Variants in IL1RAPL1 observed in about 807,000 individuals in gnomAD.
IL1RAPL1 encodes interleukin-1 receptor accessory protein-like 1.
A neutral mutation model predicts 48.4 loss-of-function variants in IL1RAPL1; 3 were observed. The ratio of observed to expected loss-of-function variants is 0.06; its 90% CI spans 0.03 to 0.16. The LOEUF (loss-of-function observed/expected upper bound fraction) is 0.16, where lower values mean the gene tolerates loss of function less well. Ranked by LOEUF, IL1RAPL1 falls within the 10% of genes least tolerant of loss-of-function variation. The pLI is 1.00. For synonymous variants in IL1RAPL1, 185 were observed against 187.7 expected (o/e 0.99, Z 0.12); for missense variants, 349 against 530.6 (o/e 0.66, Z 3.36).
intron 1 of IL1RAPL1, among the ~76,000 whole-genome samples, chrX:28,708,033 G>A (rs1935395980): frequency 9.0e-6 from 1 of 111,596 alleles, no homozygotes; most frequent in African/African-American, 3.3e-5. Context: ...AAGATAACAA[G>A]TAGTGTTCAG....
chrX:28,854,031 G>C (rs1921740873), intron 2 of IL1RAPL1, among the ~76,000 whole-genome samples: 1 of 112,100 alleles, frequency 8.9e-6, no homozygotes, highest in African/African-American at 3.2e-5. Context: ...CAAATATTTT[G>C]AAATAAGTAA....
intron 2 of IL1RAPL1, among the ~76,000 whole-genome samples, chrX:29,098,812 T>C (rs1034913604): frequency 8.9e-6 from 1 of 112,785 alleles, no homozygotes; most frequent in African/African-American, 3.2e-5. Flanking sequence ...TGGAAGCATA[T>C]GAGGATGCAG....
At chrX:29,642,928 A>G (rs765564710) in intron 5 of IL1RAPL1, among the ~76,000 whole-genome samples, 1 of 112,225 alleles carries the variant, frequency 8.9e-6, no homozygotes, top group African/African-American at 3.2e-5. Flanking sequence ...TATATAAACT[A>G]TTAGGAACCA....
chrX:29,610,459 A>G (rs1924053295), intron 5 of IL1RAPL1, among the ~76,000 whole-genome samples: 1 of 112,227 alleles, frequency 8.9e-6, no homozygotes, highest in Middle Eastern at 4.7e-3. Context: ...TTTGTCTTGA[A>G]TACACTATTT....
At chrX:29,797,043 A>C (rs1219176144) in intron 6 of IL1RAPL1, among the ~76,000 whole-genome samples, 1 of 112,830 alleles carries the variant, frequency 8.9e-6, no homozygotes, top group Non-Finnish European at 1.9e-5. Flanking sequence ...TAAGTAGCTC[A>C]GCAATGCCCC....
chrX:28,754,282 C>T (rs1936082587), intron 1 of IL1RAPL1, among the ~76,000 whole-genome samples: 1 of 111,786 alleles, frequency 8.9e-6, no homozygotes, highest in Non-Finnish European at 1.9e-5. Context: ...AATGCTTTTA[C>T]AGATGGAAAC....
intron 1 of IL1RAPL1, among the ~76,000 whole-genome samples, chrX:28,647,465 C>T (rs754189580): frequency 1.3e-4 from 14 of 111,855 alleles, no homozygotes; most frequent in Middle Eastern, 4.6e-3. Context: ...AACAGAAAAA[C>T]CTTTTGATCA....
At chrX:29,807,608 C>G (rs1397089724) in intron 6 of IL1RAPL1, among the ~76,000 whole-genome samples, 1 of 63,187 alleles carries the variant, frequency 1.6e-5, no homozygotes, top group African/African-American at 6.8e-5. Context: ...GAGCAAGACT[C>G]TGTCTCTCAA....
At chrX:29,129,169 A>G (rs1469314804) in intron 2 of IL1RAPL1, among the ~76,000 whole-genome samples, 2 of 107,340 alleles carry the variant, frequency 1.9e-5, no homozygotes, top group Non-Finnish European at 3.8e-5. Context: ...TCAGCCTGCC[A>G]AGTAGCTGGG....
At chrX:28,935,212 T>A (rs1228842592) in intron 2 of IL1RAPL1, among the ~76,000 whole-genome samples, 1 of 110,989 alleles carries the variant, frequency 9.0e-6, no homozygotes, top group Admixed American at 9.7e-5. Flanking sequence ...GGTCACAAAT[T>A]TGATCCTATG....
chrX:28,845,166 C>T (rs1443021660), intron 2 of IL1RAPL1, among the ~76,000 whole-genome samples: 1 of 111,306 alleles, frequency 9.0e-6, no homozygotes, highest in African/African-American at 3.3e-5. Flanking sequence ...AATCATAGCC[C>T]ATGCAGGAGG....
chrX:29,418,201 T>C (rs1350473049), intron 5 of IL1RAPL1, among the ~76,000 whole-genome samples: 1 of 94,851 alleles, frequency 1.1e-5, no homozygotes, highest in Non-Finnish European at 2.0e-5. Flanking sequence ...CTCGGCTCAC[T>C]GCAACCTCTG....
chrX:28,653,387 A>G (rs1196087732), intron 1 of IL1RAPL1, among the ~76,000 whole-genome samples: 1 of 110,412 alleles, frequency 9.1e-6, no homozygotes, highest in Non-Finnish European at 1.9e-5. Flanking sequence ...AGGCAGGAGA[A>G]TTACTTGAAC....
intron 6 of IL1RAPL1, among the ~76,000 whole-genome samples, chrX:29,738,450 CTTTT>C (rs59952038): frequency 4.6e-5 from 4 of 86,140 alleles, no homozygotes; most frequent in Admixed American, 1.3e-4. Flanking sequence ...CTTTTCTTTT[CTTTT>C]TTTTTTTTTT....
At chrX:29,365,338 G>A (rs1169660694) in intron 3 of IL1RAPL1, among the ~76,000 whole-genome samples, 4 of 112,080 alleles carry the variant, frequency 3.6e-5, no homozygotes, top group Non-Finnish European at 7.5e-5. Flanking sequence ...GGCCAAATCC[G>A]GATCAAGAAA....
chrX:28,851,601 G>C (rs1173198662), intron 2 of IL1RAPL1, among the ~76,000 whole-genome samples: 1 of 111,685 alleles, frequency 9.0e-6, no homozygotes, highest in East Asian at 2.8e-4. Flanking sequence ...GCATGAAATG[G>C]TACAGTAGTT....
At chrX:28,710,642 T>C (rs1251932332) in intron 1 of IL1RAPL1, among the ~76,000 whole-genome samples, 4 of 111,302 alleles carry the variant, frequency 3.6e-5, no homozygotes, top group Non-Finnish European at 7.5e-5. Flanking sequence ...TATGTGAACC[T>C]CATATATAAT....
chrX:29,537,053 A>G (rs1921258692), intron 5 of IL1RAPL1, among the ~76,000 whole-genome samples: 1 of 110,974 alleles, frequency 9.0e-6, no homozygotes, highest in East Asian at 2.8e-4. Flanking sequence ...AATTTCCTTA[A>G]AACTGTGTTA....
chrX:29,405,491 C>T (rs1180750322), intron 5 of IL1RAPL1, among the ~76,000 whole-genome samples: 6 of 98,785 alleles, frequency 6.1e-5, no homozygotes, highest in Admixed American at 1.0e-4. Flanking sequence ...CTCAGCCTCC[C>T]AAGTAGCTGG....
Sources: allele counts gnomAD v4.1 joint callset (sites outside exome capture counted in the v4.1 genomes callset), GRCh38; gene constraint gnomAD v4.1.1; transcripts MANE v1.5; gene names NCBI Gene and HGNC (gene_info 2026-07-23, HGNC 2026-07-21).